CREBBP: variants seen among roughly 807,000 people sequenced by gnomAD.
CREBBP encodes the protein CREB binding lysine acetyltransferase.
CREBBP carries 19 observed loss-of-function variants against 265.0 expected under a neutral mutation model. The ratio of observed to expected loss-of-function variants is 0.07; its 90% CI spans 0.05 to 0.11. The LOEUF is 0.11. Among genes scored for constraint, CREBBP ranks in the 10% least tolerant of loss-of-function variants. The pLI, the probability that CREBBP is intolerant of heterozygous loss-of-function variation, is 1.00. For missense variants in CREBBP, 2,525 were observed against 3,219.0 expected (o/e 0.78, Z 5.22); for synonymous variants, 1,457 against 1,223.7 (o/e 1.19, Z -3.98).
intron 7 of CREBBP, 74 bp downstream of exon 7, chr16:3,781,130 A>G: frequency 7.2e-7 from 1 of 1,382,534 alleles, no homozygotes; most frequent in East Asian, 2.3e-5. Context: ...ACACATTTAG[A>G]AAGAATCAGT....
chr16:3,755,371 T>C (rs1806083277), intron 19 of CREBBP, among the ~76,000 whole-genome samples: 2 of 152,232 alleles, frequency 1.3e-5, no homozygotes. Flanking sequence ...TCTACCTTCC[T>C]TCTAGACCAA....
intron 28 of CREBBP, among the ~76,000 whole-genome samples, chr16:3,733,255 G>A (rs1031246494): frequency 4.6e-5 from 7 of 151,658 alleles, no homozygotes; most frequent in Non-Finnish European, 7.4e-5. Flanking sequence ...CCACCTACTC[G>A]GGAGGCTGAG....
chr16:3,783,168 C>T (rs1431573669), intron 5 of CREBBP, among the ~76,000 whole-genome samples: 1 of 152,182 alleles, frequency 6.6e-6, no homozygotes, highest in African/African-American at 2.4e-5. Flanking sequence ...TAGCATGCAA[C>T]AGACCATAAA....
At chr16:3,781,889 G>C (rs1026733453) in intron 6 of CREBBP, among the ~76,000 whole-genome samples, 19 of 152,186 alleles carry the variant, frequency 1.2e-4, no homozygotes, top group African/African-American at 4.6e-4. Context: ...GCCAGTATTA[G>C]TTAGACATTC....
intron 16 of CREBBP, among the ~76,000 whole-genome samples, chr16:3,764,937 C>T (rs542973202): frequency 9.3e-5 from 14 of 151,216 alleles, no homozygotes; most frequent in Middle Eastern, 3.4e-3. Flanking sequence ...AAATCTTAAG[C>T]GTTTGGTACA....
intron 2 of CREBBP, chr16:3,812,885 G>A (rs1407611322): frequency 5.1e-6 from 1 of 195,170 alleles, no homozygotes; most frequent in East Asian, 8.0e-5. Flanking sequence ...AAACCTCCCA[G>A]GGGTGAGTTT....
chr16:3,878,063 G>A (rs2055440629), intron 1 of CREBBP, among the ~76,000 whole-genome samples: 1 of 152,214 alleles, frequency 6.6e-6, no homozygotes, highest in African/African-American at 2.4e-5. Flanking sequence ...ATAAGGACAT[G>A]CCTTTTTGTT....
intron 5 of CREBBP, among the ~76,000 whole-genome samples, chr16:3,787,076 A>G (rs1301987514): frequency 2.0e-5 from 3 of 152,088 alleles, no homozygotes; most frequent in Admixed American, 6.5e-5. Flanking sequence ...GTCTCAAAAA[A>G]AAAAAAAAAA....
chr16:3,811,802 T>C (rs578147408), intron 2 of CREBBP, among the ~76,000 whole-genome samples: 1 of 152,152 alleles, frequency 6.6e-6, no homozygotes, highest in African/African-American at 2.4e-5. Context: ...CCCCTTACGG[T>C]TTTCCTAATA....
intron 5 of CREBBP, among the ~76,000 whole-genome samples, chr16:3,785,746 G>A (rs891898302): frequency 6.6e-6 from 1 of 152,198 alleles, no homozygotes; most frequent in African/African-American, 2.4e-5. Context: ...TTCTTCCAAT[G>A]TCAAGGCCGT....
At chr16:3,809,888 T>C (rs372942577) in intron 3 of CREBBP, among the ~76,000 whole-genome samples, 6 of 152,082 alleles carry the variant, frequency 3.9e-5, no homozygotes, top group African/African-American at 1.4e-4. Flanking sequence ...TGGGGAGAGA[T>C]GGCTGCTTGT....
At chr16:3,792,679 A>C (rs890735576) in intron 4 of CREBBP, among the ~76,000 whole-genome samples, 17 of 152,250 alleles carry the variant, frequency 1.1e-4, no homozygotes, top group African/African-American at 4.1e-4. Context: ...TCACAACGGG[A>C]GACGGGGAGA....
chr16:3,798,527 T>C (rs905225953), intron 3 of CREBBP, among the ~76,000 whole-genome samples: 2 of 152,186 alleles, frequency 1.3e-5, no homozygotes, highest in African/African-American at 4.8e-5. Flanking sequence ...CTCTGAACAG[T>C]TATTTATGCA....
At chr16:3,742,546 T>G (rs1170904429) in intron 23 of CREBBP, 1 of 152,196 alleles carries the variant, frequency 6.6e-6, no homozygotes, top group African/African-American at 2.4e-5. Flanking sequence ...CTCTGGGCTG[T>G]ATCTTTTTAA....
At chr16:3,748,157 T>A (rs1375608982) in intron 21 of CREBBP, among the ~76,000 whole-genome samples, 1 of 151,746 alleles carries the variant, frequency 6.6e-6, no homozygotes, top group Non-Finnish European at 1.5e-5. Flanking sequence ...CGGGCACCTG[T>A]AATCCCAGCC....
At position 3,782,534 on chromosome 16, in the gene CREBBP, G is replaced by T; in HGVS notation, c.1573+150C>A. ...AGCATGTAACATTTTCCTTGCATCA[G>T]ATACTTCAGCTTTTTCCTGGGAGAT... On this transcript the variant is annotated intron_variant, in intron 6 of 30. Transcript: ENST00000262367. 4.9e-6 allele frequency: 5 copies of T among 1,026,154 alleles called. No homozygotes were observed. In the South Asian group the frequency reaches 6.6e-5, roughly 14 times the overall value. 63.6% of individuals were successfully genotyped at this position (1,026,154 alleles called of 1,614,324 possible). A position where few individuals can be genotyped will look rare whatever the true frequency, so the allele number is the denominator to read the frequency against.
At chr16:3,820,650 G>C (rs1406091584) in intron 2 of CREBBP, among the ~76,000 whole-genome samples, 4 of 152,288 alleles carry the variant, frequency 2.6e-5, no homozygotes, top group Non-Finnish European at 4.4e-5. Flanking sequence ...GATTGCTTGA[G>C]GCCAGGAGTT....
chr16:3,872,963 G>T (rs926707667), intron 1 of CREBBP, among the ~76,000 whole-genome samples: 3 of 152,226 alleles, frequency 2.0e-5, no homozygotes, highest in Non-Finnish European at 4.4e-5. Context: ...AGGAAACAGG[G>T]GAGGGAGTAA....
At chr16:3,823,948 G>A (rs1343265972) in intron 2 of CREBBP, among the ~76,000 whole-genome samples, 1 of 127,066 alleles carries the variant, frequency 7.9e-6, no homozygotes, top group Non-Finnish European at 1.6e-5. Flanking sequence ...AAGTTGAAAA[G>A]GCTGTGGCAA....
Sources: gnomAD v4.1 joint callset for allele counts (sites outside exome capture counted in the v4.1 genomes callset) on GRCh38, gnomAD v4.1.1 for gene constraint, MANE v1.5 for transcripts, NCBI Gene and HGNC (gene_info 2026-07-23, HGNC 2026-07-21) for gene names.